CEP63: variants seen among roughly 807,000 people sequenced by gnomAD.
CEP63 encodes centrosomal protein 63.
In CEP63, 84 loss-of-function variants were observed where a neutral mutation model predicts 89.1. That is an observed-to-expected ratio of 0.94 (90% CI 0.79 to 1.13). The LOEUF (loss-of-function observed/expected upper bound fraction) is 1.13, where lower values mean the gene tolerates loss of function less well. Among genes scored for constraint, CEP63 ranks in the 50% most tolerant of loss-of-function variants. The probability of loss-of-function intolerance (pLI) is 0.00; values close to 1 mark genes in which losing one functional copy is unlikely to be tolerated. For synonymous variants in CEP63, 267 were observed against 272.5 expected (o/e 0.98, Z 0.20); for missense variants, 838 against 813.3 (o/e 1.03, Z -0.37).
the CEP63 span, among the ~76,000 whole-genome samples, chr3:134,693,486 T>G: frequency 6.6e-5 from 10 of 152,256 alleles, no homozygotes; most frequent in Admixed American, 6.5e-4. Context: ...TTTAAGTCAC[T>G]GCCTTTCAGA....
the CEP63 span, chr3:134,597,950 A>G: frequency 6.6e-6 from 1 of 152,068 alleles, no homozygotes; most frequent in African/African-American, 2.4e-5. Flanking sequence ...GGATGTGGAG[A>G]GTCTGGCTTC....
intron 13 of CEP63, 60 bp from the exon 14 acceptor site, chr3:134,559,090 T>C (rs1207986848): frequency 1.8e-5 from 29 of 1,581,858 alleles, no homozygotes; most frequent in Non-Finnish European, 2.4e-5. Flanking sequence ...TACATTTCTG[T>C]TGGAAAGAGA....
the CEP63 span, chr3:134,607,754 A>G: frequency 4.1e-6 from 4 of 986,026 alleles, no homozygotes; most frequent in South Asian, 1.9e-4. Flanking sequence ...TTGGGAGAGC[A>G]CATGTCAGCC....
At chr3:134,512,578 C>T (rs1421602521) in intron 3 of CEP63, among the ~76,000 whole-genome samples, 3 of 152,160 alleles carry the variant, frequency 2.0e-5, no homozygotes, top group Admixed American at 6.5e-5. Flanking sequence ...TAGTAATCTT[C>T]CCCACCCCTC....
the CEP63 span, among the ~76,000 whole-genome samples, chr3:134,687,981 C>T: frequency 6.6e-6 from 1 of 152,190 alleles, no homozygotes; most frequent in Non-Finnish European, 1.5e-5. Context: ...TAAAATAGTA[C>T]AGCTATTTTG....
At chr3:134,694,920 TTTG>T in the CEP63 span, among the ~76,000 whole-genome samples, 2 of 152,132 alleles carry the variant, frequency 1.3e-5, no homozygotes, top group Admixed American at 6.5e-5. Context: ...TGTGTTTGTA[TTTG>T]TGTGTGTGCA....
At chr3:134,701,292 ATGTG>A in the CEP63 span, among the ~76,000 whole-genome samples, 1 of 51,510 alleles carries the variant, frequency 1.9e-5, no homozygotes, top group African/African-American at 5.0e-5. Context: ...ATACGTATAT[ATGTG>A]TATATATACG....
At chr3:134,679,318 T>G in the CEP63 span, among the ~76,000 whole-genome samples, 1 of 152,218 alleles carries the variant, frequency 6.6e-6, no homozygotes, top group African/African-American at 2.4e-5. Flanking sequence ...ACGGCTCATT[T>G]GGACCCAGGT....
At chr3:134,664,409 C>T in the CEP63 span, among the ~76,000 whole-genome samples, 1 of 152,290 alleles carries the variant, frequency 6.6e-6, no homozygotes, top group Admixed American at 6.5e-5. Context: ...CAAACCTGAA[C>T]CTAGGACACA....
chr3:134,722,193 G>A, the CEP63 span, among the ~76,000 whole-genome samples: 1 of 152,024 alleles, frequency 6.6e-6, no homozygotes, highest in South Asian at 2.1e-4. Flanking sequence ...TCCCAAGTCA[G>A]TCTTGGAGAT....
chr3:134,541,825 T>A (rs1238226514), intron 6 of CEP63, among the ~76,000 whole-genome samples: 2 of 152,092 alleles, frequency 1.3e-5, no homozygotes, highest in Admixed American at 6.5e-5. Flanking sequence ...CAGCATTTTT[T>A]AAAAAGGAGT....
chr3:134,510,235 C>T (rs575551205), intron 3 of CEP63, among the ~76,000 whole-genome samples: 109 of 152,302 alleles, frequency 7.2e-4, no homozygotes, highest in Middle Eastern at 3.4e-3. Flanking sequence ...CTGTTGAAGT[C>T]ATTTCCATTT....
chr3:134,571,298 T>G (rs1473756823), intron 11 of CEP63, among the ~76,000 whole-genome samples: 1 of 152,180 alleles, frequency 6.6e-6, no homozygotes, highest in Non-Finnish European at 1.5e-5. Flanking sequence ...CTTAGGTACT[T>G]AGAGGTTCTT....
the CEP63 span, among the ~76,000 whole-genome samples, chr3:134,705,819 T>C: frequency 6.6e-6 from 1 of 152,210 alleles, no homozygotes; most frequent in East Asian, 1.9e-4. Flanking sequence ...AGGATATAGA[T>C]GGGAAGAGGT....
chr3:134,775,029 G>A, the CEP63 span, among the ~76,000 whole-genome samples: 1 of 152,178 alleles, frequency 6.6e-6, no homozygotes, highest in Non-Finnish European at 1.5e-5. Context: ...AGAGGTCTGT[G>A]TTCTACATCG....
chr3:134,598,114 T>C, the CEP63 span: 1 of 152,206 alleles, frequency 6.6e-6, no homozygotes, highest in Non-Finnish European at 1.5e-5. Context: ...GTGACATGCA[T>C]CATCGAAGGT....
chr3:134,663,454 C>T, the CEP63 span, among the ~76,000 whole-genome samples: 143 of 152,298 alleles, frequency 9.4e-4, no homozygotes, highest in Admixed American at 1.8e-3. Flanking sequence ...AAGGATAAGG[C>T]AGAGGCTGGG....
At chr3:134,499,739 A>G (rs774916910) in intron 2 of CEP63, among the ~76,000 whole-genome samples, 6 of 151,944 alleles carry the variant, frequency 3.9e-5, no homozygotes, top group Non-Finnish European at 8.8e-5. Context: ...ATAGTACACA[A>G]TAGATAGTTT....
At chr3:134,604,077 G>A in the CEP63 span, 1 of 1,613,742 alleles carries the variant, frequency 6.2e-7, no homozygotes, top group Non-Finnish European at 8.5e-7. Context: ...CATCCCCGTG[G>A]AGGGAAGCCA....
Sources: gnomAD v4.1 joint callset for allele counts (sites outside exome capture counted in the v4.1 genomes callset) on GRCh38, gnomAD v4.1.1 for gene constraint, MANE v1.5 for transcripts, NCBI Gene and HGNC (gene_info 2026-07-23, HGNC 2026-07-21) for gene names.